The following MARCHF1 variants were observed in gnomAD, a reference collection of about 807,000 sequenced individuals.
MARCHF1 encodes E3 ubiquitin-protein ligase MARCHF1.
A neutral mutation model predicts 54.2 loss-of-function variants in MARCHF1; 40 were observed. The observed-to-expected ratio is 0.74, with a 90% CI of 0.57 to 0.96. The LOEUF is 0.96. Among genes scored for constraint, MARCHF1 ranks in the 40% least tolerant of loss-of-function variants. The pLI, the probability that MARCHF1 is intolerant of heterozygous loss-of-function variation, is 0.00. For missense variants in MARCHF1, 586 were observed against 656.5 expected (o/e 0.89, Z 1.17); for synonymous variants, 236 against 236.3 (o/e 1.00, Z 0.01).
chr4:164,155,790 A>C (rs565428612), intron 1 of MARCHF1, among the ~76,000 whole-genome samples: 3 of 152,220 alleles, frequency 2.0e-5, no homozygotes, highest in African/African-American at 7.2e-5. Context: ...ACAAAACTGA[A>C]CTTGTACCCC....
rs990635897 is a variant in MARCHF1 at position 163,679,879 on chromosome 4, G to C, written c.162+20934C>G. Among the ~76,000 whole-genome samples, 125 of 151,792 alleles carry C rather than the reference G, an allele frequency of 8.2e-4. 1 individual carries two copies. Among genetic ancestry groups the C allele is most frequent in the African/African-American group, 2.6e-3 (109 of 41,400 alleles). On this transcript the variant is annotated intron_variant, in intron 5 of 9. Coordinates refer to ENST00000514618, the MANE Select transcript of MARCHF1 (RefSeq NM_001394959.1). ...CCTCCCAAAGTGCTGGGATTACAGG[G>C]GTGAGCCACCGCGCCCGGCCTTTAT...
intron 8 of MARCHF1, among the ~76,000 whole-genome samples, chr4:163,568,310 TTG>T (rs1007217900): frequency 6.6e-6 from 1 of 152,156 alleles, no homozygotes; most frequent in African/African-American, 2.4e-5. Flanking sequence ...TGATAATTCT[TTG>T]TTTTTTATTT....
rs78821054 is a variant in MARCHF1, at chr4:164,204,420, C to T, written c.-322-92758G>A. ...AAAAGAATCCATTTTTAAAAAATCA[C>T]GACTTTAGTTTTTGCTCTTTGAGAC... On this transcript the variant is annotated intron_variant, in intron 1 of 9. Coordinates refer to ENST00000514618, the MANE Select transcript of MARCHF1 (RefSeq NM_001394959.1). 5.9e-3 allele frequency among the ~76,000 whole-genome samples: 894 copies of T among 152,250 alleles called. 4 individuals are homozygous for T. The highest frequency in any genetic ancestry group is 0.02 in the African/African-American group (840 of 41,572).
rs576615971 is a variant in MARCHF1, at chr4:164,158,119, T to C, written c.-322-46457A>G. ...TTGAAATCCAACAGAAATGACAAGT[T>C]CTTATATTTTTTTAAAAAAACTTCT... On this transcript the variant is annotated intron_variant, in intron 1 of 9. Coordinates refer to ENST00000514618, the MANE Select transcript of MARCHF1 (RefSeq NM_001394959.1). Among the ~76,000 whole-genome samples, 62 of 152,326 alleles carry C rather than the reference T, an allele frequency of 4.1e-4. 2 individuals are homozygous for C. The South Asian group carries it at 0.013, about 31-fold the overall frequency.
At position 163,612,693 on chromosome 4, in the gene MARCHF1, T is replaced by A. The variant is rs1741383994; in HGVS notation, c.588A>T (p.Glu196Asp). The stretch of plus-strand genomic sequence containing the variant: ...TAGGAGTGGAAGACCCAGCTAAGTT[T>A]TCACACGGCTTATTATTATTTCTCC... ...RRRRNNNKPCENLAGSSTPNG... is the reference protein window; with the variant it reads ...RRRRNNNKPCDNLAGSSTPNG... Residue 196 changes from glutamate (E) to aspartate (D), a missense_variant, in exon 7 of 10, where the codon GAA becomes GAT. Transcript: ENST00000514618. 6.5e-7 allele frequency: 1 copy of A among 1,535,474 alleles called. No individual in the cohort carries two copies. The highest frequency in any genetic ancestry group is 1.4e-5 in the African/African-American group (1 of 73,012).
At chr4:163,820,149 C>T (rs1055482893) in intron 4 of MARCHF1, among the ~76,000 whole-genome samples, 9 of 151,976 alleles carry the variant, frequency 5.9e-5, no homozygotes, top group African/African-American at 1.7e-4. Context: ...CTTCAGTTCC[C>T]AATAGTCCAC....
intron 5 of MARCHF1, among the ~76,000 whole-genome samples, chr4:163,684,513 G>C (rs1197359153): frequency 6.6e-6 from 1 of 152,152 alleles, no homozygotes; most frequent in East Asian, 1.9e-4. Flanking sequence ...TTTTTACCAA[G>C]CTAGAAATTC....
intron 4 of MARCHF1, among the ~76,000 whole-genome samples, chr4:163,725,588 T>G (rs1329096015): frequency 6.6e-6 from 1 of 152,242 alleles, no homozygotes; most frequent in Non-Finnish European, 1.5e-5. Context: ...TTATACATTT[T>G]CCATTCAATA....
At position 164,270,500 on chromosome 4, in the gene MARCHF1, G is replaced by T. The variant is rs560991349; in HGVS notation, c.-323+113370C>A. 2.6e-5 allele frequency among the ~76,000 whole-genome samples: 4 copies of T among 152,206 alleles called. No homozygotes were observed. In the South Asian group the frequency reaches 8.3e-4, roughly 32 times the overall value. Reference sequence around the variant, plus strand: ...GTCAGATATTTCTGTTTGGTTCACTGGTGTATTCTTAAAGCATGTTACATA... The same window carrying T: ...GTCAGATATTTCTGTTTGGTTCACTTGTGTATTCTTAAAGCATGTTACATA... On this transcript the variant is annotated intron_variant, in intron 1 of 9. Transcript: ENST00000514618.
At chr4:163,661,209 C>T (rs990430516) in intron 5 of MARCHF1, among the ~76,000 whole-genome samples, 1 of 151,976 alleles carries the variant, frequency 6.6e-6, no homozygotes, top group Non-Finnish European at 1.5e-5. Context: ...TAACTTTTTG[C>T]TACTAGCTGT....
At chr4:163,686,088 A>G (rs1428243031) in intron 5 of MARCHF1, among the ~76,000 whole-genome samples, 1 of 152,188 alleles carries the variant, frequency 6.6e-6, no homozygotes, top group Non-Finnish European at 1.5e-5. Context: ...GGAATGCTTA[A>G]CACATAGTAA....
intron 5 of MARCHF1, among the ~76,000 whole-genome samples, chr4:163,620,598 C>CAG (rs1741650710): frequency 3.6e-5 from 3 of 82,844 alleles, no homozygotes; most frequent in African/African-American, 1.7e-4. Context: ...CACACACACA[C>CAG]ACACACACAG....
At chr4:163,564,884 T>C (rs78651748) in intron 8 of MARCHF1, among the ~76,000 whole-genome samples, 1 of 152,032 alleles carries the variant, frequency 6.6e-6, no homozygotes, top group East Asian at 1.9e-4. Context: ...TTTTTTTTTT[T>C]CATGATGTCA....
intron 9 of MARCHF1, among the ~76,000 whole-genome samples, chr4:163,539,965 C>T (rs1329033059): frequency 6.6e-6 from 1 of 152,094 alleles, no homozygotes; most frequent in African/African-American, 2.4e-5. Flanking sequence ...GGTCCTGGTT[C>T]CTCTCCCCTG....
chr4:163,869,215 T>C (rs1750119116), intron 3 of MARCHF1, among the ~76,000 whole-genome samples: 1 of 152,050 alleles, frequency 6.6e-6, no homozygotes, highest in South Asian at 2.1e-4. Context: ...TGTCATGCTT[T>C]ATTTCCCCAA....
chr4:163,614,386 T>C (rs1333360059), intron 5 of MARCHF1, among the ~76,000 whole-genome samples: 1 of 152,126 alleles, frequency 6.6e-6, no homozygotes, highest in Non-Finnish European at 1.5e-5. Flanking sequence ...TTCTCACTGA[T>C]AGGTGGTAAC....
At chr4:163,669,418 C>G (rs1473158135) in intron 5 of MARCHF1, among the ~76,000 whole-genome samples, 1 of 152,006 alleles carries the variant, frequency 6.6e-6, no homozygotes, top group Non-Finnish European at 1.5e-5. Context: ...CGTGAAGCAC[C>G]ACTACTTCCT....
chr4:163,830,891 A>T (rs548272220), intron 4 of MARCHF1, among the ~76,000 whole-genome samples: 57 of 152,354 alleles, frequency 3.7e-4, no homozygotes, highest in Non-Finnish European at 6.5e-4. Context: ...CTGCTGCTGG[A>T]AACCAAGGCT....
At chr4:163,800,868 A>G (rs1422924717) in intron 4 of MARCHF1, among the ~76,000 whole-genome samples, 3 of 152,104 alleles carry the variant, frequency 2.0e-5, no homozygotes, top group Non-Finnish European at 4.4e-5. Context: ...CAGCGTCTCT[A>G]AACTCCAGAG....
Sources: gnomAD v4.1 joint callset for allele counts (sites outside exome capture counted in the v4.1 genomes callset) on GRCh38, gnomAD v4.1.1 for gene constraint, MANE v1.5 for transcripts, NCBI Gene and HGNC (gene_info 2026-07-23, HGNC 2026-07-21) for gene names.